The following KIRREL3 variants were observed in gnomAD, a reference collection of about 807,000 sequenced individuals.
KIRREL3 encodes the protein kin of IRRE-like protein 3.
Under a neutral mutation model 89.7 loss-of-function variants are expected in KIRREL3, and 36 were observed. That is an observed-to-expected ratio of 0.40 (90% CI 0.31 to 0.53). KIRREL3 has a LOEUF of 0.53. KIRREL3 is among the 20% of genes least tolerant of loss of function. The pLI is 0.49. For missense variants in KIRREL3, 864 were observed against 1,056.6 expected, an observed-to-expected ratio of 0.82 and a Z score of 2.53; for synonymous variants, 445 against 441.4, an observed-to-expected ratio of 1.01 and a Z score of -0.10.
At chr11:126,461,941 G>A (rs10750325) in intron 6 of KIRREL3, among the ~76,000 whole-genome samples, 56,178 of 152,010 alleles carry the variant, frequency 0.37, 11,176 homozygotes, top group Admixed American at 0.47. Context: ...GCAGCCACCT[G>A]CTTGCAGTAG....
At chr11:126,556,844 C>T (rs1387709181) in intron 2 of KIRREL3, among the ~76,000 whole-genome samples, 1 of 152,134 alleles carries the variant, frequency 6.6e-6, no homozygotes, top group Non-Finnish European at 1.5e-5. Flanking sequence ...CATAAAGTGC[C>T]CTGTAAATCT....
intron 1 of KIRREL3, among the ~76,000 whole-genome samples, chr11:126,718,336 A>T (rs1948045801): frequency 6.6e-6 from 1 of 151,832 alleles, no homozygotes; most frequent in African/African-American, 2.4e-5. Flanking sequence ...TCCTAGCTGC[A>T]TGCAGGTGCA....
chr11:126,463,198 A>G lies in KIRREL3; in HGVS notation c.701T>C (p.Ile234Thr). ...SIVCRATNKAIPGGKETSVTI... is the reference protein window; with the variant it reads ...SIVCRATNKATPGGKETSVTI... ...GACCGACGTCTCCTTTCCTCCGGGG[A>G]TGGCTTTGTTGGTGGCACGACACAC... Residue 234 changes from isoleucine (I) to threonine (T), a missense_variant, in exon 6 of 17, where the codon ATC (isoleucine) becomes ACC (threonine). Transcript: ENST00000525144. This position sits in a 1 kb window ranked among gnomAD's most constrained non-coding sequence, Gnocchi z 5.9. 1 of 1,613,520 alleles carries G rather than the reference A, an allele frequency of 6.2e-7. No individual in the cohort carries two copies. Among genetic ancestry groups the G allele is most frequent in the African/African-American group, 1.3e-5 (1 of 74,896 alleles).
chr11:126,923,101 TCTC>T (rs1388878602), intron 1 of KIRREL3, among the ~76,000 whole-genome samples: 1 of 66,238 alleles, frequency 1.5e-5, no homozygotes, highest in East Asian at 2.8e-4. Context: ...TTCTTCTTCT[TCTC>T]CTTCTCCTTC....
chr11:126,654,982 G>A (rs1427530441), intron 1 of KIRREL3, among the ~76,000 whole-genome samples: 2 of 152,128 alleles, frequency 1.3e-5, no homozygotes, highest in Non-Finnish European at 2.9e-5. Flanking sequence ...AGCTCAAACT[G>A]CCAGATTTTA....
At position 126,805,901 on chromosome 11, in the gene KIRREL3, C is replaced by A. The variant is rs1033665829; in HGVS notation, c.55+194554G>T. 3.9e-5 allele frequency among the ~76,000 whole-genome samples: 6 copies of A among 152,310 alleles called. No individual in the cohort carries two copies. In the East Asian group the frequency reaches 1.2e-3, roughly 29 times the overall value. Reference sequence around the variant, plus strand: ...CAGTGGGCCTGGGCAGGTGCCGTGCCATCCCCTCCACCTTCTCCGTGCGGC... The same window carrying A: ...CAGTGGGCCTGGGCAGGTGCCGTGCAATCCCCTCCACCTTCTCCGTGCGGC... On this transcript the variant is annotated intron_variant, in intron 1 of 16. Transcript: ENST00000525144. This position sits in a 1 kb window ranked among gnomAD's most constrained non-coding sequence, Gnocchi z 4.3.
Position 126,764,154 on chromosome 11 carries a change from G to C in KIRREL3, c.56-201242C>G, listed in dbSNP as rs965728833. On this transcript the variant is annotated intron_variant, in intron 1 of 16. Transcript: ENST00000525144. The surrounding 1 kb of genome is among the most constrained non-coding windows in gnomAD (Gnocchi z 4.2). ...TGAATGAAATGCTAACTTTTCCCCT[G>C]TCTAACCCACTCACCCACATACCCT... 5.3e-5 allele frequency among the ~76,000 whole-genome samples: 8 copies of C among 152,162 alleles called. No individual in the cohort carries two copies. Among genetic ancestry groups the C allele is most frequent in the Non-Finnish European group, 8.8e-5 (6 of 68,034 alleles).
intron 5 of KIRREL3, among the ~76,000 whole-genome samples, chr11:126,466,205 TG>T (rs949170628): frequency 6.6e-6 from 1 of 152,222 alleles, no homozygotes; most frequent in Non-Finnish European, 1.5e-5. Context: ...TGTGCTTTTC[TG>T]GGAAATAAAA....
At chr11:126,767,540 T>C (rs558287449) in intron 1 of KIRREL3, among the ~76,000 whole-genome samples, 3 of 149,504 alleles carry the variant, frequency 2.0e-5, no homozygotes, top group African/African-American at 7.7e-5. Context: ...CTGTGTATAA[T>C]GATATACACT....
intron 1 of KIRREL3, among the ~76,000 whole-genome samples, chr11:126,670,008 T>G (rs566489646): frequency 6.6e-6 from 1 of 152,282 alleles, no homozygotes; most frequent in Non-Finnish European, 1.5e-5. Context: ...ACTCTTCCCA[T>G]TCCTTCTCCC....
rs919855910 is a variant in KIRREL3 at position 126,486,547 on chromosome 11, C to A, written c.434-13081G>T. On this transcript the variant is annotated intron_variant, in intron 4 of 16. Coordinates refer to ENST00000525144, the MANE Select transcript of KIRREL3 (RefSeq NM_032531.4). This position sits in a 1 kb window ranked among gnomAD's most constrained non-coding sequence, Gnocchi z 6.2. Reference sequence around the variant, plus strand: ...CTCTCCAGCTGGTTTCGACCTTAACCTGATTTGGGGTCTCTTTTGCTCAAC... The same window carrying A: ...CTCTCCAGCTGGTTTCGACCTTAACATGATTTGGGGTCTCTTTTGCTCAAC... Among the ~76,000 whole-genome samples the A allele has an allele frequency of 2.0e-5, 3 of 152,232 alleles. No homozygotes were observed. The highest frequency in any genetic ancestry group is 7.2e-5 in the African/African-American group (3 of 41,454).
At chr11:126,930,226 AT>A (rs1297960019) in intron 1 of KIRREL3, among the ~76,000 whole-genome samples, 2 of 149,892 alleles carry the variant, frequency 1.3e-5, no homozygotes, top group Non-Finnish European at 3.0e-5. Context: ...ATGCGTGTGT[AT>A]TTTTTTTCTT....
chr11:126,711,187 G>C (rs1947740642), intron 1 of KIRREL3, among the ~76,000 whole-genome samples: 1 of 152,162 alleles, frequency 6.6e-6, no homozygotes. Flanking sequence ...GGATCCAGTG[G>C]GTGGCAGAAG....
intron 1 of KIRREL3, among the ~76,000 whole-genome samples, chr11:126,774,118 G>T (rs560685137): frequency 6.6e-6 from 1 of 151,000 alleles, no homozygotes; most frequent in East Asian, 2.0e-4. Flanking sequence ...GCATGTAGGA[G>T]CTTGTATTTA....
Position 126,807,308 on chromosome 11 carries a change from AG to A in KIRREL3, c.55+193146del, listed in dbSNP as rs773912962. Among the ~76,000 whole-genome samples the A allele has an allele frequency of 5.0e-4, 76 of 152,332 alleles. No individual in the cohort carries two copies. Among genetic ancestry groups the A allele is most frequent in the Non-Finnish European group, 9.3e-4 (63 of 68,026 alleles). ...AGCACAGGAAATTGCCAGGTCACTA[AG>A]GTGAATTATGGGCACATTTCCATGT... is the stretch of plus-strand genomic sequence containing the variant. On this transcript the variant is annotated intron_variant, in intron 1 of 16. Coordinates refer to ENST00000525144, the MANE Select transcript of KIRREL3 (RefSeq NM_032531.4). The surrounding 1 kb of genome is among the most constrained non-coding windows in gnomAD (Gnocchi z 4.3).
At chr11:126,951,295 C>A (rs1174252989) in intron 1 of KIRREL3, among the ~76,000 whole-genome samples, 3 of 152,160 alleles carry the variant, frequency 2.0e-5, no homozygotes, top group African/African-American at 7.2e-5. Context: ...CGAGTACATC[C>A]GTTGAGATGC....
upstream of KIRREL3, among the ~76,000 whole-genome samples, chr11:127,001,778 A>G (rs1272489386): frequency 6.6e-6 from 1 of 151,854 alleles, no homozygotes; most frequent in East Asian, 1.9e-4. Context: ...TAATAGGCAC[A>G]GACCATGCCT....
At position 126,918,442 on chromosome 11, in the gene KIRREL3, T is replaced by C. The variant is rs752154679; in HGVS notation, c.55+82013A>G. Among the ~76,000 whole-genome samples, 3 of 152,248 alleles carry C rather than the reference T, an allele frequency of 2.0e-5. No individual in the cohort carries two copies. The highest frequency in any genetic ancestry group is 4.8e-5 in the African/African-American group (2 of 41,466). Reference sequence around the variant, plus strand: ...CGTAAGGAGTGAAGTCTTTGTAAACTAAGCTGCTTGTTCCTCTGACAGGGT... The same window carrying C: ...CGTAAGGAGTGAAGTCTTTGTAAACCAAGCTGCTTGTTCCTCTGACAGGGT... On this transcript the variant is annotated intron_variant, in intron 1 of 16. Transcript: ENST00000525144. This position sits in a 1 kb window ranked among gnomAD's most constrained non-coding sequence, Gnocchi z 6.5.
rs1324662607 is a variant in KIRREL3 at position 126,525,796 on chromosome 11, A to G, written c.283+742T>C. 6.6e-6 allele frequency among the ~76,000 whole-genome samples: 1 copy of G among 152,186 alleles called. No homozygotes were observed. Among genetic ancestry groups the G allele is most frequent in the Non-Finnish European group, 1.5e-5 (1 of 68,036 alleles). ...AATGATAGCTGAAGGGTGTGTGACCAGGGGGATGAGCCATTCTTTTTTTTT... is the reference window on the plus strand; with the variant it reads ...AATGATAGCTGAAGGGTGTGTGACCGGGGGGATGAGCCATTCTTTTTTTTT... On this transcript the variant is annotated intron_variant, in intron 3 of 16. Transcript: ENST00000525144. This position sits in a 1 kb window ranked among gnomAD's most constrained non-coding sequence, Gnocchi z 5.4.
Sources: gnomAD v4.1 joint callset for allele counts (sites outside exome capture counted in the v4.1 genomes callset) on GRCh38, gnomAD v4.1.1 for gene constraint, Gnocchi (gnomAD v3.1) non-coding constraint, MANE v1.5 for transcripts, NCBI Gene and HGNC (gene_info 2026-07-23, HGNC 2026-07-21) for gene names.